The following FRMD4A variants were observed in gnomAD, a reference collection of about 807,000 sequenced individuals.
The protein encoded by FRMD4A is FERM domain-containing protein 4A.
Under a neutral mutation model 129.1 loss-of-function variants are expected in FRMD4A, and 29 were observed. That is an observed-to-expected ratio of 0.22 (90% confidence interval 0.17 to 0.31). The LOEUF is 0.31. FRMD4A is among the 10% of genes least tolerant of loss of function. The pLI is 1.00. For synonymous variants in FRMD4A, 634 were observed against 571.6 expected, an observed-to-expected ratio of 1.11 and a Z score of -1.56; for missense variants, 1,272 against 1,375.8, an observed-to-expected ratio of 0.92 and a Z score of 1.19.
chr10:13,987,032 A>G (rs550322797), intron 2 of FRMD4A, among the ~76,000 whole-genome samples: 7 of 152,246 alleles, frequency 4.6e-5, no homozygotes, highest in Admixed American at 4.6e-4. Context: ...ATGTGACTAC[A>G]CTTTGAGAGC....
At chr10:13,707,776 T>G in intron 12 of FRMD4A, 1 of 985,412 alleles carries the variant, frequency 1.0e-6, no homozygotes, top group Non-Finnish European at 1.2e-6. Context: ...CCAAGAGTTC[T>G]GTCGCCCGGA....
chr10:14,172,182 T>A (rs1841510998), intron 2 of FRMD4A, among the ~76,000 whole-genome samples: 2 of 152,128 alleles, frequency 1.3e-5, no homozygotes, highest in Non-Finnish European at 2.9e-5. Context: ...AAAAAAGAAT[T>A]CACAGAAGCA....
intron 2 of FRMD4A, among the ~76,000 whole-genome samples, chr10:14,212,682 GA>G (rs1393920394): frequency 2.0e-5 from 3 of 152,200 alleles, no homozygotes; most frequent in African/African-American, 4.8e-5. Context: ...TGTTTTTAGG[GA>G]AGGGATTTCA....
intron 14 of FRMD4A, among the ~76,000 whole-genome samples, chr10:13,695,869 G>T (rs977223430): frequency 2.0e-5 from 3 of 152,216 alleles, no homozygotes; most frequent in Non-Finnish European, 4.4e-5. Context: ...AGCCAGGGCT[G>T]TCTGAATGCC....
At chr10:13,709,358 TAGATCTCAGCAGCCAC>T (rs2087785746) in intron 12 of FRMD4A, among the ~76,000 whole-genome samples, 1 of 152,124 alleles carries the variant, frequency 6.6e-6, no homozygotes, top group African/African-American at 2.4e-5. Flanking sequence ...CCCTCTAAGG[TAGATCTCAGCAGCCAC>T]AGATCGTAGC....
intron 2 of FRMD4A, among the ~76,000 whole-genome samples, chr10:14,031,143 G>A (rs2131661850): frequency 6.6e-6 from 1 of 152,314 alleles, no homozygotes; most frequent in Non-Finnish European, 1.5e-5. Flanking sequence ...TGTGCAACTG[G>A]AATGTGCCAG....
chr10:14,121,833 C>G (rs1262522407), intron 2 of FRMD4A, among the ~76,000 whole-genome samples: 1 of 152,208 alleles, frequency 6.6e-6, no homozygotes, highest in Admixed American at 6.5e-5. Flanking sequence ...GCTTTCCCAC[C>G]TACAACTCTG....
At chr10:14,091,560 A>T (rs1018626296) in intron 2 of FRMD4A, among the ~76,000 whole-genome samples, 1 of 152,182 alleles carries the variant, frequency 6.6e-6, no homozygotes, top group African/African-American at 2.4e-5. Context: ...CAGCCTCCTG[A>T]GTAGCTGGGA....
intron 6 of FRMD4A, among the ~76,000 whole-genome samples, chr10:13,765,112 T>C: frequency 1.1e-5 from 1 of 88,098 alleles, no homozygotes; most frequent in Non-Finnish European, 2.5e-5. Context: ...TTTTTTTTTT[T>C]TGTTTTTTTT....
intron 2 of FRMD4A, among the ~76,000 whole-genome samples, chr10:14,283,213 C>T (rs1845578086): frequency 6.6e-6 from 1 of 152,194 alleles, no homozygotes; most frequent in South Asian, 2.1e-4. Flanking sequence ...TCAGCTAAAT[C>T]GCCCAACCTC....
In FRMD4A at chr10:13,782,659, A is replaced by G. The variant is rs138979880; in HGVS notation, c.384+263T>C. 7.9e-3 allele frequency among the ~76,000 whole-genome samples: 1,205 copies of G among 152,102 alleles called. 14 individuals carry two copies. Among genetic ancestry groups the G allele is most frequent in the African/African-American group, 0.023 (949 of 41,468 alleles). ...GGGTTTCACCACGTTGGCCAGGATA[A>G]TCTCAATCTCTTGACCACGTGATCC... On this transcript the variant is annotated intron_variant, in intron 6 of 24. Coordinates refer to ENST00000357447, the MANE Select transcript of FRMD4A (RefSeq NM_018027.5).
rs2092440038 is a variant in FRMD4A at position 13,771,024 on chromosome 10, A to T, written c.385-8344T>A. On this transcript the variant is annotated intron_variant, in intron 6 of 24. Coordinates refer to ENST00000357447, the MANE Select transcript of FRMD4A (RefSeq NM_018027.5). The stretch of plus-strand genomic sequence containing the variant: ...AAAGACCATTTATTTCAATATCAAC[A>T]AGAGTGATAGCATTTAGACCTAAAC... Among the ~76,000 whole-genome samples the T allele has an allele frequency of 2.6e-5, 4 of 152,218 alleles. No homozygotes were observed. The South Asian group carries it at 8.3e-4, about 32-fold the overall frequency.
chr10:13,913,091 G>T (rs2094961111), intron 2 of FRMD4A, among the ~76,000 whole-genome samples: 1 of 150,132 alleles, frequency 6.7e-6, no homozygotes, highest in Non-Finnish European at 1.5e-5. Context: ...AAAAAAAAAG[G>T]ATATTATTCA....
intron 2 of FRMD4A, among the ~76,000 whole-genome samples, chr10:14,002,639 C>G (rs991468995): frequency 3.3e-5 from 5 of 152,154 alleles, no homozygotes; most frequent in African/African-American, 9.7e-5. Context: ...AGATGCCTGC[C>G]ATCGTACGGA....
chr10:13,899,154 C>A (rs1017606238), intron 2 of FRMD4A, among the ~76,000 whole-genome samples: 1 of 148,476 alleles, frequency 6.7e-6, no homozygotes. Context: ...AGAGCAAGAC[C>A]CTGTCTATAA....
intron 3 of FRMD4A, among the ~76,000 whole-genome samples, chr10:13,837,710 T>A (rs931991435): frequency 1.3e-5 from 2 of 152,218 alleles, no homozygotes; most frequent in Non-Finnish European, 2.9e-5. Flanking sequence ...AACAAGAAGA[T>A]GTGAATATTG....
At chr10:14,136,740 A>G (rs1398062082) in intron 2 of FRMD4A, among the ~76,000 whole-genome samples, 2 of 151,806 alleles carry the variant, frequency 1.3e-5, no homozygotes, top group Non-Finnish European at 2.9e-5. Context: ...CATCTTATAC[A>G]TATTGATTAA....
chr10:13,985,932 C>A (rs181083036), intron 2 of FRMD4A, among the ~76,000 whole-genome samples: 279 of 152,336 alleles, frequency 1.8e-3, no homozygotes, highest in African/African-American at 6.4e-3. Flanking sequence ...TCTGGCAGGA[C>A]AGCACCAACT....
At chr10:13,685,030 A>G (rs2084946401) in intron 15 of FRMD4A, 1 of 984,684 alleles carries the variant, frequency 1.0e-6, no homozygotes, top group South Asian at 4.7e-5. Flanking sequence ...ATCCTCAGTG[A>G]TGAATTCCTT....
Sources: gnomAD v4.1 joint callset for allele counts (sites outside exome capture counted in the v4.1 genomes callset) on GRCh38, gnomAD v4.1.1 for gene constraint, MANE v1.5 for transcripts, NCBI Gene and HGNC (gene_info 2026-07-23, HGNC 2026-07-21) for gene names.